Variants in ANKIB1 observed in about 807,000 individuals in gnomAD.
The protein encoded by ANKIB1 is ankyrin repeat and IBR domain containing 1, also known as ankyrin repeat and IBR domain-containing protein 1.
ANKIB1 carries 43 observed loss-of-function variants against 122.1 expected under a neutral mutation model. The ratio of observed to expected loss-of-function variants is 0.35; its 90% CI spans 0.28 to 0.45. The LOEUF (loss-of-function observed/expected upper bound fraction) is 0.45, where lower values mean the gene tolerates loss of function less well. Ranked by LOEUF, ANKIB1 falls within the 20% of genes least tolerant of loss-of-function variation. The pLI is 1.00. For missense variants in ANKIB1, 992 were observed against 1,329.5 expected (o/e 0.75, Z 3.95); for synonymous variants, 390 against 442.0 (o/e 0.88, Z 1.48).
chr7:92,359,753 C>T (rs888051766), intron 9 of ANKIB1, among the ~76,000 whole-genome samples: 1 of 152,092 alleles, frequency 6.6e-6, no homozygotes, highest in Admixed American at 6.6e-5. Flanking sequence ...CTTTATATAT[C>T]CACTTTTTTA....
chr7:92,367,679 A>G (rs1427350375), intron 10 of ANKIB1, among the ~76,000 whole-genome samples: 1 of 152,258 alleles, frequency 6.6e-6, no homozygotes, highest in Non-Finnish European at 1.5e-5. Context: ...CAAGGAATTA[A>G]TTTCATATAA....
At chr7:92,267,912 G>A (rs1007693677) in intron 1 of ANKIB1, among the ~76,000 whole-genome samples, 1 of 152,174 alleles carries the variant, frequency 6.6e-6, no homozygotes, top group Non-Finnish European at 1.5e-5. Flanking sequence ...TTTTGGAAAG[G>A]AAGGGAAGGT....
chr7:92,396,740 C>T (rs898132128), intron 18 of ANKIB1, among the ~76,000 whole-genome samples: 4 of 152,112 alleles, frequency 2.6e-5, no homozygotes, highest in Non-Finnish European at 2.9e-5. Flanking sequence ...AGGTTGTTTC[C>T]ATATTCTAAA....
chr7:92,260,190 T>C (rs1801531757), intron 1 of ANKIB1, among the ~76,000 whole-genome samples: 1 of 152,170 alleles, frequency 6.6e-6, no homozygotes, highest in Admixed American at 6.5e-5. Context: ...CACAGTTGCC[T>C]GCCCCTATTC....
chr7:92,390,137 T>C, intron 15 of ANKIB1, 21 bp downstream of exon 15: 17 of 1,521,018 alleles, frequency 1.1e-5, no homozygotes, highest in Non-Finnish European at 1.5e-5. Flanking sequence ...TTTAATTACA[T>C]TTAAATGGCA....
intron 1 of ANKIB1, among the ~76,000 whole-genome samples, chr7:92,264,490 C>T (rs1330416684): frequency 6.6e-6 from 1 of 152,060 alleles, no homozygotes; most frequent in Non-Finnish European, 1.5e-5. Context: ...CTCCGCCTCC[C>T]AGCTTTAAGC....
chr7:92,273,163 A>G (rs1801833453), intron 1 of ANKIB1, among the ~76,000 whole-genome samples: 1 of 152,220 alleles, frequency 6.6e-6, no homozygotes, highest in African/African-American at 2.4e-5. Context: ...CAATTTATGT[A>G]TTAGTTAGAA....
chr7:92,382,903 A>G (rs1233149552), intron 11 of ANKIB1, among the ~76,000 whole-genome samples: 1 of 152,248 alleles, frequency 6.6e-6, no homozygotes, highest in Non-Finnish European at 1.5e-5. Flanking sequence ...GCAGAACTGA[A>G]GGAGATGGAG....
Position 92,347,841 on chromosome 7 carries a change from G to A in ANKIB1, c.1085+2775G>A, listed in dbSNP as rs181072683. 1.5e-3 allele frequency: 375 copies of A among 255,744 alleles called. 2 individuals are homozygous for A. Among genetic ancestry groups the A allele is most frequent in the African/African-American group, 8.1e-3 (348 of 43,162 alleles). 15.8% of individuals were successfully genotyped at this position (255,744 alleles called of 1,614,324 possible). ...GGTGATAATAGTATGTGCTTCCTAG[G>A]ATTATCATCAGTTTTTTAAATTTCT... is the stretch of plus-strand genomic sequence containing the variant. On this transcript the variant is annotated intron_variant, in intron 7 of 19. Transcript: ENST00000265742.
chr7:92,317,565 C>T (rs1036213887), intron 3 of ANKIB1, among the ~76,000 whole-genome samples: 1 of 152,166 alleles, frequency 6.6e-6, no homozygotes, highest in African/African-American at 2.4e-5. Flanking sequence ...ATTTCATAGT[C>T]TTGTTTGATT....
chr7:92,320,079 C>G (rs1173775665), intron 4 of ANKIB1: 2 of 152,314 alleles, frequency 1.3e-5, no homozygotes, highest in African/African-American at 2.4e-5. Context: ...CTACAAGACT[C>G]CAGTCCTCCT....
chr7:92,372,005 G>GTGTGTGTA (rs1804273103), intron 11 of ANKIB1, among the ~76,000 whole-genome samples: 3 of 112,910 alleles, frequency 2.7e-5, no homozygotes, highest in African/African-American at 1.0e-4. Flanking sequence ...GTGTGTGTGT[G>GTGTGTGTA]TGTGTGTATC....
intron 2 of ANKIB1, 92 bp from the exon 3 acceptor site, chr7:92,307,267 A>G: frequency 7.9e-7 from 1 of 1,268,162 alleles, no homozygotes. Context: ...TTAGAAGTAG[A>G]GTTTATCTTT....
intron 1 of ANKIB1, among the ~76,000 whole-genome samples, chr7:92,279,568 G>A (rs1300373674): frequency 6.6e-6 from 1 of 152,144 alleles, no homozygotes; most frequent in Non-Finnish European, 1.5e-5. Context: ...TAAATTTGCA[G>A]CAGTCCCAGA....
At chr7:92,265,179 G>A (rs1801646424) in intron 1 of ANKIB1, among the ~76,000 whole-genome samples, 1 of 151,292 alleles carries the variant, frequency 6.6e-6, no homozygotes, top group Admixed American at 6.6e-5. Flanking sequence ...GAGTCTTGCT[G>A]TGTTACCCAG....
chr7:92,301,384 A>G (rs1324595578), intron 2 of ANKIB1, among the ~76,000 whole-genome samples: 3 of 152,104 alleles, frequency 2.0e-5, no homozygotes, highest in African/African-American at 7.2e-5. Flanking sequence ...TTGCCATGCA[A>G]ACAGGTATAA....
chr7:92,264,564 A>ATT (rs139490587), intron 1 of ANKIB1, among the ~76,000 whole-genome samples: 1 of 150,334 alleles, frequency 6.7e-6, no homozygotes, highest in Non-Finnish European at 1.5e-5. Flanking sequence ...CGCTTGACTA[A>ATT]TTTTTTTTTC....
At chr7:92,334,363 G>T (rs1426054999) in intron 5 of ANKIB1, among the ~76,000 whole-genome samples, 2 of 152,014 alleles carry the variant, frequency 1.3e-5, no homozygotes, top group Non-Finnish European at 2.9e-5. Context: ...GATAATCTTT[G>T]TACTATGTCC....
At chr7:92,326,005 A>G in intron 4 of ANKIB1, 1 of 427,250 alleles carries the variant, frequency 2.3e-6, no homozygotes. Flanking sequence ...CAGGAAAGAG[A>G]AAGGTACTTT....
Sources: allele counts gnomAD v4.1 joint callset (sites outside exome capture counted in the v4.1 genomes callset), GRCh38; gene constraint gnomAD v4.1.1; transcripts MANE v1.5; gene names NCBI Gene and HGNC (gene_info 2026-07-23, HGNC 2026-07-21).